Variants in CPNE8 observed in about 807,000 individuals in gnomAD.
CPNE8 encodes the protein copine 8.
Under a neutral mutation model 81.5 loss-of-function variants are expected in CPNE8, and 45 were observed. The ratio of observed to expected loss-of-function variants is 0.55; its 90% CI spans 0.44 to 0.71. The LOEUF is 0.71. CPNE8 is among the 30% of genes least tolerant of loss of function. The pLI is 0.00. For missense variants in CPNE8, 594 were observed against 672.1 expected (o/e 0.88, Z 1.28); for synonymous variants, 252 against 226.3 (o/e 1.11, Z -1.02).
At chr12:38,777,663 C>T (rs1295922177) in intron 6 of CPNE8, among the ~76,000 whole-genome samples, 1 of 152,138 alleles carries the variant, frequency 6.6e-6, no homozygotes, top group Non-Finnish European at 1.5e-5. Flanking sequence ...TGTTTAGATA[C>T]ACAAATACTG....
chr12:38,738,557 A>C (rs1941006705), intron 10 of CPNE8, among the ~76,000 whole-genome samples: 1 of 152,164 alleles, frequency 6.6e-6, no homozygotes, highest in Non-Finnish European at 1.5e-5. Flanking sequence ...ATTTTAAAAG[A>C]CCATCCTACC....
intron 3 of CPNE8, among the ~76,000 whole-genome samples, chr12:38,870,964 T>C (rs911419686): frequency 6.6e-6 from 1 of 152,232 alleles, no homozygotes; most frequent in African/African-American, 2.4e-5. Flanking sequence ...ATAACCTACC[T>C]CTTAAAGTTG....
At chr12:38,798,963 T>G (rs184311286) in intron 6 of CPNE8, among the ~76,000 whole-genome samples, 1 of 152,290 alleles carries the variant, frequency 6.6e-6, no homozygotes, top group East Asian at 1.9e-4. Flanking sequence ...GGCCATTACA[T>G]AATGGTAAAG....
intron 10 of CPNE8, among the ~76,000 whole-genome samples, chr12:38,734,004 C>A (rs1248779419): frequency 8.1e-6 from 1 of 123,298 alleles, no homozygotes; most frequent in Non-Finnish European, 1.8e-5. Flanking sequence ...TCCAAGAAGT[C>A]TTTTTTGCTT....
intron 6 of CPNE8, among the ~76,000 whole-genome samples, chr12:38,815,133 A>G (rs1287946745): frequency 6.6e-6 from 1 of 152,104 alleles, no homozygotes; most frequent in East Asian, 1.9e-4. Flanking sequence ...GCACTGCAGG[A>G]TCCTACTACA....
chr12:38,700,965 A>G (rs975178073), intron 14 of CPNE8, among the ~76,000 whole-genome samples: 4 of 152,138 alleles, frequency 2.6e-5, no homozygotes, highest in African/African-American at 9.7e-5. Context: ...TGTTTCCTTT[A>G]TAAATTACCC....
intron 6 of CPNE8, among the ~76,000 whole-genome samples, chr12:38,779,471 A>G (rs967888770): frequency 1.6e-4 from 25 of 152,178 alleles, no homozygotes; most frequent in African/African-American, 5.3e-4. Context: ...TGAGCCTAAA[A>G]AATAAATCGC....
At chr12:38,753,569 A>G (rs564725380) in intron 10 of CPNE8, among the ~76,000 whole-genome samples, 1 of 152,208 alleles carries the variant, frequency 6.6e-6, no homozygotes, top group Non-Finnish European at 1.5e-5. Flanking sequence ...AGGCACTATA[A>G]TCTACACTGT....
intron 6 of CPNE8, among the ~76,000 whole-genome samples, chr12:38,793,089 T>C (rs77951269): frequency 0.013 from 1,967 of 151,482 alleles, 47 homozygotes; most frequent in African/African-American, 0.044. Context: ...ATAAAAAAGG[T>C]GGTATATGAA....
intron 10 of CPNE8, among the ~76,000 whole-genome samples, chr12:38,732,884 C>G (rs10506127): frequency 0.44 from 67,130 of 151,692 alleles, 15,168 homozygotes; most frequent in East Asian, 0.55. Flanking sequence ...TTATTTTGAA[C>G]AAAACACTGA....
intron 1 of CPNE8, among the ~76,000 whole-genome samples, chr12:38,882,384 A>G (rs924679106): frequency 2.0e-5 from 3 of 152,188 alleles, no homozygotes; most frequent in African/African-American, 7.2e-5. Context: ...CCACTAGAGC[A>G]GCTGGAGGGA....
chr12:38,750,422 C>T (rs1941332101), intron 10 of CPNE8, among the ~76,000 whole-genome samples: 1 of 152,156 alleles, frequency 6.6e-6, no homozygotes, highest in African/African-American at 2.4e-5. Context: ...CTGGAAAAGC[C>T]ACAGACACTC....
chr12:38,848,737 A>G, intron 3 of CPNE8, 75 bp from the exon 4 acceptor site: 2 of 1,423,736 alleles, frequency 1.4e-6, no homozygotes, highest in Non-Finnish European at 1.8e-6. Context: ...TTAATATCAC[A>G]CAGTTCTTTT....
At chr12:38,904,433 A>G (rs894183010) in intron 1 of CPNE8, among the ~76,000 whole-genome samples, 2 of 151,550 alleles carry the variant, frequency 1.3e-5, no homozygotes, top group Non-Finnish European at 2.9e-5. Flanking sequence ...TTTGCAATTT[A>G]CAGTCTCTGG....
chr12:38,894,707 C>A (rs558381058), intron 1 of CPNE8, among the ~76,000 whole-genome samples: 1 of 113,386 alleles, frequency 8.8e-6, no homozygotes, highest in African/African-American at 3.4e-5. Flanking sequence ...CTCTCTCTCT[C>A]TCTCATATTC....
At chr12:38,710,268 C>CAAAAAAAAAAAAAAACAAAAAAAAA (rs1940218036) in intron 13 of CPNE8, among the ~76,000 whole-genome samples, 1 of 50,266 alleles carries the variant, frequency 2.0e-5, no homozygotes, top group Non-Finnish European at 3.8e-5. Context: ...AATAAGCTAA[C>CAAAAAAAAAAAAAAACAAAAAAAAA]AAAAAAAAAA....
At chr12:38,667,885 C>T (rs60368384) in intron 19 of CPNE8, among the ~76,000 whole-genome samples, 15,931 of 152,074 alleles carry the variant, frequency 0.1, 1,037 homozygotes, top group East Asian at 0.24. Context: ...GCAATCTCCA[C>T]CTCCTGGGCT....
chr12:38,857,906 A>C (rs1315343061), intron 3 of CPNE8, among the ~76,000 whole-genome samples: 1 of 152,220 alleles, frequency 6.6e-6, no homozygotes, highest in East Asian at 1.9e-4. Flanking sequence ...AAAAATAAAT[A>C]AATAAGAGGC....
intron 8 of CPNE8, among the ~76,000 whole-genome samples, chr12:38,766,951 C>A (rs1296613489): frequency 3.3e-5 from 5 of 152,044 alleles, no homozygotes; most frequent in African/African-American, 9.7e-5. Flanking sequence ...ATCTCACATA[C>A]ATTAAAAACT....
Sources: allele counts gnomAD v4.1 joint callset (sites outside exome capture counted in the v4.1 genomes callset), GRCh38; gene constraint gnomAD v4.1.1; transcripts MANE v1.5; gene names NCBI Gene and HGNC (gene_info 2026-07-23, HGNC 2026-07-21).